The following UQCR11 variants were observed in gnomAD, a reference collection of about 807,000 sequenced individuals.
UQCR11 encodes the protein ubiquinol-cytochrome c reductase, complex III subunit XI.
In UQCR11, 10 loss-of-function variants were observed where a neutral mutation model predicts 7.6. The ratio of observed to expected loss-of-function variants is 1.31; its 90% CI spans 0.81 to 2.22. The LOEUF (loss-of-function observed/expected upper bound fraction) is 2.22. Among genes scored for constraint, UQCR11 ranks in the 30% most tolerant of loss-of-function variants. The pLI, the probability that UQCR11 is intolerant of heterozygous loss-of-function variation, is 0.00. For missense variants in UQCR11, 86 were observed against 75.1 expected, an observed-to-expected ratio of 1.15 and a Z score of -0.54; for synonymous variants, 34 against 34.9, an observed-to-expected ratio of 0.97 and a Z score of 0.09.
intron 1 of UQCR11, among the ~76,000 whole-genome samples, chr19:1,605,158 C>T (rs2060758265): frequency 6.6e-6 from 1 of 152,192 alleles, no homozygotes; most frequent in South Asian, 2.1e-4. Context: ...TGGGGTTTGG[C>T]CTTGGGTCCG....
intron 1 of UQCR11, among the ~76,000 whole-genome samples, chr19:1,599,977 G>A (rs902884420): frequency 6.6e-6 from 1 of 152,236 alleles, no homozygotes; most frequent in African/African-American, 2.4e-5. Context: ...CAGACAGGGC[G>A]AGGCCCTCAC....
intron 1 of UQCR11, among the ~76,000 whole-genome samples, chr19:1,601,716 C>G (rs2060747696): frequency 6.6e-6 from 1 of 152,076 alleles, no homozygotes; most frequent in African/African-American, 2.4e-5. Context: ...CACAAGAGAG[C>G]CTGAGGAGTT....
chr19:1,600,825 A>G (rs1439854095), intron 1 of UQCR11, among the ~76,000 whole-genome samples: 1 of 152,178 alleles, frequency 6.6e-6, no homozygotes, highest in Non-Finnish European at 1.5e-5. Context: ...GGCTACACCA[A>G]CTGCCTTCCA....
chr19:1,602,329 ACCAG>A (rs1420340969), intron 1 of UQCR11: 2 of 152,166 alleles, frequency 1.3e-5, no homozygotes, highest in Non-Finnish European at 2.9e-5. Flanking sequence ...GTGCCCGCTC[ACCAG>A]CTGGGGGCAC....
rs1442640093 is a variant in UQCR11 at position 1,597,569 on chromosome 19, C to T, written c.*675G>A. On this transcript the variant is annotated 3_prime_UTR_variant, in exon 3 of 3. Transcript: ENST00000591899. ...CTTGGTTCACCTGCTCTGGGGAAGG[C>T]AGAGGCCATGCCGTGAGGATGCTCA... 1.3e-5 allele frequency: 2 copies of T among 152,248 alleles called. No individual in the cohort carries two copies. Among genetic ancestry groups the T allele is most frequent in the African/African-American group, 2.4e-5 (1 of 41,456 alleles). 9.4% of individuals were successfully genotyped at this position (152,248 alleles called of 1,614,324 possible).
At chr19:1,601,882 C>A (rs952407664) in intron 1 of UQCR11, among the ~76,000 whole-genome samples, 4 of 152,182 alleles carry the variant, frequency 2.6e-5, no homozygotes. Context: ...CAATTCCGGG[C>A]GGGGTGCGGC....
At chr19:1,600,745 A>C (rs2060744970) in intron 1 of UQCR11, among the ~76,000 whole-genome samples, 1 of 152,188 alleles carries the variant, frequency 6.6e-6, no homozygotes, top group Non-Finnish European at 1.5e-5. Context: ...GTGGTGGCAC[A>C]TGCCAGTAGT....
intron 1 of UQCR11, among the ~76,000 whole-genome samples, chr19:1,604,233 C>T (rs925318188): frequency 6.6e-6 from 1 of 152,206 alleles, no homozygotes. Flanking sequence ...GCGTGAGTCA[C>T]TGCGCCCAGC....
chr19:1,601,595 G>A (rs751812394), intron 1 of UQCR11, among the ~76,000 whole-genome samples: 1 of 85,970 alleles, frequency 1.2e-5, no homozygotes, highest in Admixed American at 1.2e-4. Context: ...GCGAGACACC[G>A]TCTCAAAAAA....
intron 1 of UQCR11, among the ~76,000 whole-genome samples, chr19:1,600,325 T>G (rs867751308): frequency 1.3e-5 from 2 of 151,098 alleles, no homozygotes; most frequent in Middle Eastern, 6.9e-3. Context: ...GCAATTCTCC[T>G]GCCTCAGCCT....
chr19:1,599,057 C>T, intron 2 of UQCR11: 1 of 244,636 alleles, frequency 4.1e-6, no homozygotes, highest in Non-Finnish European at 8.2e-6. Context: ...GGTGTCCAGC[C>T]ACTGTGGGCC....
chr19:1,604,819 G>A (rs1203880894), intron 1 of UQCR11, among the ~76,000 whole-genome samples: 2 of 152,186 alleles, frequency 1.3e-5, no homozygotes, highest in East Asian at 3.8e-4. Flanking sequence ...GGGAGCCACC[G>A]CACCCAGCCA....
intron 1 of UQCR11, 29 bp downstream of exon 1, chr19:1,605,331 C>T (rs2060758912): frequency 1.3e-6 from 2 of 1,556,840 alleles, no homozygotes; most frequent in African/African-American, 2.8e-5. Flanking sequence ...GGCGGGAGCG[C>T]GGATGGGGCC....
chr19:1,599,208 C>T, intron 2 of UQCR11: 4 of 587,936 alleles, frequency 6.8e-6, no homozygotes, highest in Non-Finnish European at 8.6e-6. Context: ...CCCAATCACA[C>T]AACCCAAGGC....
intron 1 of UQCR11, among the ~76,000 whole-genome samples, chr19:1,604,939 G>T (rs1029992483): frequency 6.6e-6 from 1 of 152,268 alleles, no homozygotes; most frequent in African/African-American, 2.4e-5. Context: ...GCCCACGTGG[G>T]CTCAGGCGCA....
rs751453784 is a variant in UQCR11 at position 1,600,209 on chromosome 19, CTTTTTTTTTTTT to C, written c.51-661_51-650del. On this transcript the variant is annotated intron_variant, in intron 1 of 2. Coordinates refer to ENST00000591899, the MANE Select transcript of UQCR11 (RefSeq NM_006830.4). The stretch of plus-strand genomic sequence containing the variant: ...ACAGTATGAACTTGGGCACAGGCTT[CTTTTTTTTTTTT>C]TTTTTTTTTTTGAGACGGAGTCTTG... Among the ~76,000 whole-genome samples the C allele has an allele frequency of 3.9e-3, 476 of 121,352 alleles. 1 individual carries two copies. The highest frequency in any genetic ancestry group is 5.9e-3 in the African/African-American group (195 of 33,300). The allele number at this position is 121,352 out of a possible 152,430, so 79.6% of individuals were successfully genotyped here. A position where few individuals can be genotyped will look rare whatever the true frequency, so the allele number is the denominator to read the frequency against.
intron 1 of UQCR11, among the ~76,000 whole-genome samples, chr19:1,603,968 G>A (rs1599358228): frequency 2.0e-5 from 3 of 152,258 alleles, no homozygotes; most frequent in Non-Finnish European, 2.9e-5. Flanking sequence ...TTTTAGAAAC[G>A]GAGTTTCGCT....
At chr19:1,605,290 T>C in intron 1 of UQCR11, 70 bp downstream of exon 1, 1 of 1,483,964 alleles carries the variant, frequency 6.7e-7, no homozygotes, top group Non-Finnish European at 8.9e-7. Context: ...CGCGCACAAA[T>C]ACGGAACGCA....
intron 1 of UQCR11, chr19:1,602,563 T>C (rs1209454578): frequency 2.6e-5 from 4 of 152,126 alleles, no homozygotes; most frequent in African/African-American, 9.7e-5. Flanking sequence ...GTGATTCTCT[T>C]GTCTCAGCCT....
Sources: allele counts gnomAD v4.1 joint callset (sites outside exome capture counted in the v4.1 genomes callset), GRCh38; gene constraint gnomAD v4.1.1; transcripts MANE v1.5; gene names NCBI Gene and HGNC (gene_info 2026-07-23, HGNC 2026-07-21).